The following DRC11 variants were observed in gnomAD, a reference collection of about 807,000 sequenced individuals.
DRC11 encodes the protein IQ and AAA domain-containing protein 1.
the DRC11 span, among the ~76,000 whole-genome samples, chr2:236,467,715 G>A: frequency 6.6e-6 from 1 of 152,138 alleles, no homozygotes; most frequent in African/African-American, 2.4e-5. Context: ...TTTGAAAGCT[G>A]TGAAACAAGA....
the DRC11 span, among the ~76,000 whole-genome samples, chr2:236,348,981 C>A: frequency 6.6e-6 from 1 of 152,110 alleles, no homozygotes; most frequent in Non-Finnish European, 1.5e-5. The surrounding 1 kb of genome is among the most constrained non-coding windows in gnomAD (Gnocchi z 7.4). Flanking sequence ...CTACTGAAGC[C>A]TCAGAAGGCC....
At chr2:236,453,829 C>T in the DRC11 span, among the ~76,000 whole-genome samples, 1 of 151,844 alleles carries the variant, frequency 6.6e-6, no homozygotes, top group African/African-American at 2.4e-5. The surrounding 1 kb of genome is among the most constrained non-coding windows in gnomAD (Gnocchi z 4.9). Flanking sequence ...TTAGTAGAGA[C>T]GGGGGTTTCA....
the DRC11 span, chr2:236,399,351 C>T: frequency 2.5e-4 from 333 of 1,322,734 alleles, no homozygotes; most frequent in Non-Finnish European, 3.3e-4. The surrounding 1 kb of genome is among the most constrained non-coding windows in gnomAD (Gnocchi z 7.0). Flanking sequence ...AGCAGCCTCC[C>T]GTGATGGGGT....
At chr2:236,338,141 G>C in the DRC11 span, 1 of 1,519,038 alleles carries the variant, frequency 6.6e-7, no homozygotes, top group Non-Finnish European at 8.9e-7. Context: ...CGCCCTCCTG[G>C]CAAGCACACA....
the DRC11 span, among the ~76,000 whole-genome samples, chr2:236,423,362 A>C: frequency 2.6e-5 from 4 of 152,088 alleles, no homozygotes; most frequent in Admixed American, 2.6e-4. Flanking sequence ...CAAGAAAAAA[A>C]AAACAACGCC....
chr2:236,498,545 G>A, the DRC11 span, among the ~76,000 whole-genome samples: 1 of 151,892 alleles, frequency 6.6e-6, no homozygotes, highest in Non-Finnish European at 1.5e-5. Flanking sequence ...TGGGCTCTCT[G>A]CCCTCATTCC....
At chr2:236,482,174 C>T in the DRC11 span, among the ~76,000 whole-genome samples, 1 of 150,306 alleles carries the variant, frequency 6.7e-6, no homozygotes, top group African/African-American at 2.5e-5. This position sits in a 1 kb window ranked among gnomAD's most constrained non-coding sequence, Gnocchi z 4.5. Context: ...TGAATTTTTA[C>T]CTTGAGCATT....
At chr2:236,502,548 C>CAAAAAAAAAAAAAAA in the DRC11 span, among the ~76,000 whole-genome samples, 24 of 15,094 alleles carry the variant, frequency 1.6e-3, 1 homozygote, top group African/African-American at 2.8e-3. Context: ...TGCACTCCAG[C>CAAAAAAAAAAAAAAA]AAAAAAAAAA....
the DRC11 span, chr2:236,507,263 G>A: frequency 1.2e-6 from 2 of 1,613,858 alleles, no homozygotes; most frequent in Admixed American, 1.7e-5. Context: ...TTACGCGTTC[G>A]ACATTGCTGG....
chr2:236,306,704 A>G, the DRC11 span, among the ~76,000 whole-genome samples: 2 of 152,198 alleles, frequency 1.3e-5, no homozygotes, highest in Admixed American at 1.3e-4. This position sits in a 1 kb window ranked among gnomAD's most constrained non-coding sequence, Gnocchi z 5.9. Context: ...AAACACATTT[A>G]TTTAGCTTTG....
the DRC11 span, among the ~76,000 whole-genome samples, chr2:236,460,456 G>T: frequency 1.4e-4 from 21 of 152,266 alleles, no homozygotes; most frequent in Admixed American, 9.2e-4. The surrounding 1 kb of genome is among the most constrained non-coding windows in gnomAD (Gnocchi z 4.0). Flanking sequence ...CCGTCTCCTT[G>T]CCCTTTTGTC....
At chr2:236,389,300 T>C in the DRC11 span, among the ~76,000 whole-genome samples, 1 of 152,234 alleles carries the variant, frequency 6.6e-6, no homozygotes, top group Admixed American at 6.5e-5. Context: ...ACTGCTGTGC[T>C]AGCAACCAGC....
the DRC11 span, among the ~76,000 whole-genome samples, chr2:236,306,736 C>T: frequency 3.3e-5 from 5 of 152,144 alleles, no homozygotes; most frequent in African/African-American, 9.7e-5. The surrounding 1 kb of genome is among the most constrained non-coding windows in gnomAD (Gnocchi z 5.9). Context: ...TCAGATCCCT[C>T]ATTCTAATAA....
the DRC11 span, among the ~76,000 whole-genome samples, chr2:236,316,176 T>TCTCTCTCTCTCTCTCTC: frequency 8.6e-5 from 13 of 151,114 alleles, no homozygotes; most frequent in Middle Eastern, 3.4e-3. The surrounding 1 kb of genome is among the most constrained non-coding windows in gnomAD (Gnocchi z 6.8). Flanking sequence ...TCTCTCTCTC[T>TCTCTCTCTCTCTCTCTC]TTTTGAGATG....
At chr2:236,336,420 ACCACCACTGCCACCACGGC>A in the DRC11 span, among the ~76,000 whole-genome samples, 1 of 58,000 alleles carries the variant, frequency 1.7e-5, no homozygotes, top group African/African-American at 9.8e-5. The surrounding 1 kb of genome is among the most constrained non-coding windows in gnomAD (Gnocchi z 7.3). Flanking sequence ...GCTGACCACC[ACCACCACTGCCACCACGGC>A]CACCACCACT....
chr2:236,360,822 G>A, the DRC11 span, among the ~76,000 whole-genome samples: 1 of 152,162 alleles, frequency 6.6e-6, no homozygotes, highest in Non-Finnish European at 1.5e-5. This position sits in a 1 kb window ranked among gnomAD's most constrained non-coding sequence, Gnocchi z 5.8. Context: ...TAAGAGATTT[G>A]CTTTGGACCA....
At chr2:236,311,899 C>T in the DRC11 span, among the ~76,000 whole-genome samples, 3 of 152,122 alleles carry the variant, frequency 2.0e-5, no homozygotes, top group Non-Finnish European at 4.4e-5. This position sits in a 1 kb window ranked among gnomAD's most constrained non-coding sequence, Gnocchi z 6.9. Context: ...TGAAACTGTG[C>T]AGCCCCTTTT....
chr2:236,442,188 C>T, the DRC11 span, among the ~76,000 whole-genome samples: 1 of 152,132 alleles, frequency 6.6e-6, no homozygotes, highest in Non-Finnish European at 1.5e-5. Context: ...TATATGTTAA[C>T]ATAAATAACA....
chr2:236,433,909 T>C, the DRC11 span, among the ~76,000 whole-genome samples: 1 of 152,256 alleles, frequency 6.6e-6, no homozygotes, highest in African/African-American at 2.4e-5. Flanking sequence ...TATTTTATAA[T>C]GTTCAACAAG....
Sources: gnomAD v4.1 joint callset for allele counts (sites outside exome capture counted in the v4.1 genomes callset) on GRCh38, gnomAD v4.1.1 for gene constraint, Gnocchi (gnomAD v3.1) non-coding constraint, MANE v1.5 for transcripts, NCBI Gene and HGNC (gene_info 2026-07-23, HGNC 2026-07-21) for gene names.